The following ADAMTS18 variants were observed in gnomAD, a reference collection of about 807,000 sequenced individuals.
ADAMTS18 encodes A disintegrin and metalloproteinase with thrombospondin motifs 18.
ADAMTS18 carries 157 observed loss-of-function variants against 165.9 expected under a neutral mutation model. The observed-to-expected ratio is 0.95, with a 90% CI of 0.83 to 1.08. The LOEUF (loss-of-function observed/expected upper bound fraction) is 1.08. Ranked by LOEUF, ADAMTS18 falls within the 50% of genes least tolerant of loss-of-function variation. ADAMTS18 has a pLI of 0.00. For synonymous variants in ADAMTS18, 782 were observed against 578.2 expected (o/e 1.35, Z -5.06); for missense variants, 2,040 against 1,534.0 (o/e 1.33, Z -5.51).
intron 12 of ADAMTS18, among the ~76,000 whole-genome samples, chr16:77,335,061 T>G (rs970613353): frequency 2.0e-5 from 3 of 147,030 alleles, no homozygotes; most frequent in Non-Finnish European, 3.0e-5. Flanking sequence ...TAATGTAGTA[T>G]AATAGTATTA....
chr16:77,360,489 A>C (rs1001855515), intron 7 of ADAMTS18, among the ~76,000 whole-genome samples: 23 of 150,574 alleles, frequency 1.5e-4, no homozygotes, highest in African/African-American at 5.5e-4. Flanking sequence ...CAGTTGATAG[A>C]ATTTCTGGTG....
At chr16:77,324,510 C>T (rs770320665) in intron 13 of ADAMTS18, among the ~76,000 whole-genome samples, 1 of 152,124 alleles carries the variant, frequency 6.6e-6, no homozygotes, top group Non-Finnish European at 1.5e-5. Flanking sequence ...TATAAGCAAG[C>T]TCAAGATAGA....
intron 20 of ADAMTS18, among the ~76,000 whole-genome samples, chr16:77,292,143 G>A (rs1163798167): frequency 1.3e-5 from 2 of 151,582 alleles, no homozygotes; most frequent in Non-Finnish European, 2.9e-5. Context: ...TCAGCAACAT[G>A]GTGAAACCAC....
At chr16:77,359,248 C>A (rs554803445) in intron 8 of ADAMTS18, 70 bp downstream of exon 8, 24 of 1,328,984 alleles carry the variant, frequency 1.8e-5, no homozygotes, top group Non-Finnish European at 2.6e-5. Flanking sequence ...TCAACAACAA[C>A]GGTTAGAGGA....
intron 17 of ADAMTS18, among the ~76,000 whole-genome samples, chr16:77,299,606 T>C (rs777327851): frequency 6.6e-6 from 1 of 152,182 alleles, no homozygotes; most frequent in African/African-American, 2.4e-5. Context: ...GGAACTTATT[T>C]TGGGCACTTG....
intron 3 of ADAMTS18, among the ~76,000 whole-genome samples, chr16:77,416,440 A>T (rs540710522): frequency 6.6e-6 from 1 of 152,170 alleles, no homozygotes; most frequent in Non-Finnish European, 1.5e-5. Flanking sequence ...GGCCAGGTGG[A>T]GATAACTGAA....
intron 16 of ADAMTS18, among the ~76,000 whole-genome samples, chr16:77,318,583 T>G (rs900606572): frequency 2.0e-5 from 3 of 152,170 alleles, no homozygotes; most frequent in African/African-American, 7.2e-5. Context: ...TCTATTACAG[T>G]CATGATAACA....
chr16:77,286,912 C>T (rs1263602989), intron 22 of ADAMTS18, among the ~76,000 whole-genome samples: 1 of 152,044 alleles, frequency 6.6e-6, no homozygotes, highest in East Asian at 1.9e-4. Flanking sequence ...GGATGGCTTC[C>T]CCAAGGTGGA....
In ADAMTS18 at chr16:77,292,944, C is replaced by T. The variant is rs2055392170; in HGVS notation, c.3189+132G>A. 5 of 1,072,166 alleles carry T rather than the reference C, an allele frequency of 4.7e-6. No homozygotes were observed. The South Asian group carries it at 7.1e-5, about 15-fold the overall frequency. The allele number at this position is 1,072,166 out of a possible 1,614,324, so 66.4% of individuals were successfully genotyped here. A position where few individuals can be genotyped will look rare whatever the true frequency, so the allele number is the denominator to read the frequency against. ...ACGCCATGCTCCTGCCTCAGCCTCC[C>T]CAGTAGATCAGACTACAGGCGCCTG... On this transcript the variant is annotated intron_variant, in intron 20 of 22. Transcript: ENST00000282849.
intron 6 of ADAMTS18, among the ~76,000 whole-genome samples, chr16:77,362,763 A>G (rs971326672): frequency 6.6e-6 from 1 of 152,180 alleles, no homozygotes; most frequent in Non-Finnish European, 1.5e-5. Context: ...GAGAGGACCT[A>G]CCCTTAAAAT....
At chr16:77,387,822 T>C (rs972549510) in intron 3 of ADAMTS18, among the ~76,000 whole-genome samples, 4 of 152,182 alleles carry the variant, frequency 2.6e-5, no homozygotes, top group South Asian at 4.1e-4. Flanking sequence ...AAAGCAACCT[T>C]TTCTATCCAG....
At chr16:77,395,359 G>A (rs1469629092) in intron 3 of ADAMTS18, among the ~76,000 whole-genome samples, 1 of 152,154 alleles carries the variant, frequency 6.6e-6, no homozygotes, top group Non-Finnish European at 1.5e-5. Context: ...TTTCTACTCT[G>A]TGTGGCTCCA....
rs1166802143 is a variant in ADAMTS18 at position 77,335,841 on chromosome 16, A to G, written c.1774T>C (p.Trp592Arg). The G allele has an allele frequency of 5.6e-6, 9 of 1,614,186 alleles. 1 individual carries two copies. The highest frequency in any genetic ancestry group is 7.6e-6 in the Non-Finnish European group (9 of 1,180,030). ...ELGPRPIHGQ[W>R]SAWSKWSECS... Reference sequence around the variant, plus strand: ...TCTGACCACTTCGACCAGGCGGACCACTGGCCGTGGATGGGCCGGGGCCCG... The same window carrying G: ...TCTGACCACTTCGACCAGGCGGACCGCTGGCCGTGGATGGGCCGGGGCCCG... Residue 592 changes from tryptophan to arginine, a missense_variant, in exon 12 of 23, where the codon TGG (tryptophan) becomes CGG (arginine). Physicochemically the swap from Trp to Arg is moderately radical, Grantham distance 101 (BLOSUM62 -3). Transcript: ENST00000282849.
chr16:77,322,010 C>G (rs540744155), intron 14 of ADAMTS18, among the ~76,000 whole-genome samples: 1 of 151,968 alleles, frequency 6.6e-6, no homozygotes, highest in African/African-American at 2.4e-5. Context: ...ACAAAATTAG[C>G]CAGGTGTGGT....
intron 3 of ADAMTS18, among the ~76,000 whole-genome samples, chr16:77,378,352 A>G (rs201287146): frequency 2.0e-5 from 1 of 51,174 alleles, no homozygotes; most frequent in South Asian, 5.6e-4. Context: ...AAAAAAAACA[A>G]AAAAAAAAAA....
At chr16:77,325,031 GT>G (rs2056068662) in intron 13 of ADAMTS18, among the ~76,000 whole-genome samples, 1 of 152,180 alleles carries the variant, frequency 6.6e-6, no homozygotes, top group Admixed American at 6.5e-5. Flanking sequence ...AGTGATGCCT[GT>G]AATTATATTA....
chr16:77,321,202 G>C lies in ADAMTS18; in HGVS notation c.2164C>G (p.Leu722Val). The C allele has an allele frequency of 1.2e-6, 2 of 1,614,090 alleles. No homozygotes were observed. Among genetic ancestry groups the C allele is most frequent in the Non-Finnish European group, 1.7e-6 (2 of 1,180,026 alleles). ...NDVCIDGVCELVGCDHELGSK... is the reference protein window; with the variant it reads ...NDVCIDGVCEVVGCDHELGSK... The stretch of plus-strand genomic sequence containing the variant: ...CCTAGTTCATGATCACATCCCACTA[G>C]CTGTGACAAAAACAAAAAACGTGAG... Residue 722 changes from leucine to valine, a missense_variant and splice_region_variant, in exon 15 of 23, where the codon CTA becomes GTA. Transcript: ENST00000282849.
intron 2 of ADAMTS18, among the ~76,000 whole-genome samples, chr16:77,433,767 A>C (rs2144873384): frequency 6.6e-6 from 1 of 152,330 alleles, no homozygotes; most frequent in Non-Finnish European, 1.5e-5. Context: ...GATGGGAAAC[A>C]ATCAAAACAA....
chr16:77,404,831 G>A (rs2057373946), intron 3 of ADAMTS18, among the ~76,000 whole-genome samples: 1 of 152,136 alleles, frequency 6.6e-6, no homozygotes, highest in Admixed American at 6.5e-5. Context: ...CTAGGAAGAT[G>A]GCCAAGTAAA....
Sources: gnomAD v4.1 joint callset for allele counts (sites outside exome capture counted in the v4.1 genomes callset) on GRCh38, gnomAD v4.1.1 for gene constraint, MANE v1.5 for transcripts, NCBI Gene and HGNC (gene_info 2026-07-23, HGNC 2026-07-21) for gene names.